FNDC3A: variants seen among roughly 807,000 people sequenced by gnomAD.
FNDC3A encodes the protein fibronectin type-III domain-containing protein 3A.
Under a neutral mutation model 148.9 loss-of-function variants are expected in FNDC3A, and 32 were observed. That is an observed-to-expected ratio of 0.21 (90% CI 0.16 to 0.29). The LOEUF (loss-of-function observed/expected upper bound fraction) is 0.29, where lower values mean the gene tolerates loss of function less well. Ranked by LOEUF, FNDC3A falls within the 10% of genes least tolerant of loss-of-function variation. The pLI is 1.00. For missense variants in FNDC3A, 1,191 were observed against 1,452.8 expected (o/e 0.82, Z 2.93); for synonymous variants, 472 against 473.6 (o/e 1.00, Z 0.04).
chr13:49,148,689 T>C (rs113780620), intron 8 of FNDC3A, among the ~76,000 whole-genome samples: 1,719 of 152,314 alleles, frequency 0.011, 36 homozygotes, highest in African/African-American at 0.039. Context: ...CTATTCAGGC[T>C]ATTTTTTGGT....
intron 13 of FNDC3A, among the ~76,000 whole-genome samples, chr13:49,177,814 A>G (rs1885108325): frequency 6.6e-6 from 1 of 152,210 alleles, no homozygotes; most frequent in Non-Finnish European, 1.5e-5. Flanking sequence ...TCCATATTAT[A>G]TGATTCCATT....
At chr13:49,173,740 G>A (rs1327509149) in intron 11 of FNDC3A, among the ~76,000 whole-genome samples, 2 of 152,126 alleles carry the variant, frequency 1.3e-5, no homozygotes, top group Non-Finnish European at 2.9e-5. Context: ...AAGCAGTCAA[G>A]TACAGTCTAC....
intron 2 of FNDC3A, among the ~76,000 whole-genome samples, chr13:49,016,977 T>C (rs1286653248): frequency 9.2e-5 from 14 of 152,046 alleles, no homozygotes; most frequent in East Asian, 3.9e-4. Context: ...TAGTTTGTTA[T>C]AATGTCTGTT....
intron 2 of FNDC3A, among the ~76,000 whole-genome samples, chr13:49,018,057 G>T (rs1872963561): frequency 6.6e-6 from 1 of 151,664 alleles, no homozygotes; most frequent in Non-Finnish European, 1.5e-5. Context: ...TTTCAACTTT[G>T]GTGAATCTGA....
At chr13:49,157,732 T>G (rs1194610912) in intron 8 of FNDC3A, among the ~76,000 whole-genome samples, 1 of 128,188 alleles carries the variant, frequency 7.8e-6, no homozygotes, top group Non-Finnish European at 1.6e-5. Context: ...TTAGTTTTCC[T>G]TCTAACAGAC....
chr13:48,979,642 G>T (rs1951663544), intron 1 of FNDC3A, among the ~76,000 whole-genome samples: 1 of 152,104 alleles, frequency 6.6e-6, no homozygotes, highest in South Asian at 2.1e-4. Flanking sequence ...ATCACTGAAA[G>T]AACTATACCT....
intron 3 of FNDC3A, among the ~76,000 whole-genome samples, chr13:49,105,321 A>G (rs1880105432): frequency 6.6e-6 from 1 of 152,214 alleles, no homozygotes; most frequent in South Asian, 2.1e-4. Flanking sequence ...ACCCTAAGAC[A>G]CAGCATTTCC....
chr13:49,178,746 GT>G, intron 14 of FNDC3A, 92 bp downstream of exon 14: 1 of 721,842 alleles, frequency 1.4e-6, no homozygotes. Flanking sequence ...TTGTTTGTTT[GT>G]TTTTTGAGAC....
At chr13:49,167,423 C>G (rs1884531052) in intron 9 of FNDC3A, 120 bp downstream of exon 9, 2 of 617,176 alleles carry the variant, frequency 3.2e-6, no homozygotes, top group Non-Finnish European at 2.6e-6. Context: ...TAAAAACAGA[C>G]TTTGTGGGCT....
chr13:49,167,709 CAAA>C (rs564784760), intron 9 of FNDC3A, among the ~76,000 whole-genome samples: 1 of 120,558 alleles, frequency 8.3e-6, no homozygotes, highest in Non-Finnish European at 1.8e-5. Context: ...TTGTCTCAAA[CAAA>C]AAAAAAAACT....
At chr13:49,178,050 C>A (rs1274293504) in intron 13 of FNDC3A, among the ~76,000 whole-genome samples, 1 of 152,092 alleles carries the variant, frequency 6.6e-6, no homozygotes, top group African/African-American at 2.4e-5. Flanking sequence ...AAAATGATAA[C>A]GTTCGGAAAA....
intron 3 of FNDC3A, among the ~76,000 whole-genome samples, chr13:49,084,855 C>T (rs1878699982): frequency 6.6e-6 from 1 of 152,036 alleles, no homozygotes; most frequent in Non-Finnish European, 1.5e-5. Flanking sequence ...GCTTTTTCTG[C>T]CAGTAGGGGT....
chr13:49,040,970 C>T (rs1289443207), intron 2 of FNDC3A, among the ~76,000 whole-genome samples: 1 of 152,176 alleles, frequency 6.6e-6, no homozygotes, highest in African/African-American at 2.4e-5. Flanking sequence ...CTTCCCTCCG[C>T]TCATCATATT....
intron 2 of FNDC3A, among the ~76,000 whole-genome samples, chr13:49,009,598 A>C (rs148453661): frequency 2.1e-4 from 32 of 152,344 alleles, no homozygotes; most frequent in African/African-American, 7.5e-4. Context: ...GACTTGAGAT[A>C]TCTTTTCCTG....
At chr13:49,010,641 G>A (rs1484253468) in intron 2 of FNDC3A, among the ~76,000 whole-genome samples, 2 of 152,132 alleles carry the variant, frequency 1.3e-5, no homozygotes, top group Admixed American at 6.5e-5. Flanking sequence ...AAATAAGCAT[G>A]AAATATAGCA....
intron 2 of FNDC3A, among the ~76,000 whole-genome samples, chr13:49,053,446 G>A (rs1875998805): frequency 6.6e-6 from 1 of 152,158 alleles, no homozygotes; most frequent in African/African-American, 2.4e-5. Flanking sequence ...GCCTCAGGAT[G>A]TCCTGTGAAC....
At chr13:49,140,027 G>T (rs941840223) in intron 7 of FNDC3A, among the ~76,000 whole-genome samples, 2 of 152,166 alleles carry the variant, frequency 1.3e-5, no homozygotes, top group African/African-American at 4.8e-5. Flanking sequence ...TTTACTTGTT[G>T]TAGTATATAT....
At chr13:49,160,754 T>C (rs1371069010) in intron 8 of FNDC3A, among the ~76,000 whole-genome samples, 1 of 151,818 alleles carries the variant, frequency 6.6e-6, no homozygotes, top group Non-Finnish European at 1.5e-5. Flanking sequence ...CTTGTGGGCA[T>C]TTAGTGCTAT....
At chr13:49,018,140 C>T (rs1324669101) in intron 2 of FNDC3A, among the ~76,000 whole-genome samples, 7 of 150,994 alleles carry the variant, frequency 4.6e-5, no homozygotes, top group Non-Finnish European at 8.9e-5. Flanking sequence ...TGAATCTGAA[C>T]GTTGGCCTGT....
Sources: gnomAD v4.1 joint callset for allele counts (sites outside exome capture counted in the v4.1 genomes callset) on GRCh38, gnomAD v4.1.1 for gene constraint, MANE v1.5 for transcripts, NCBI Gene and HGNC (gene_info 2026-07-23, HGNC 2026-07-21) for gene names.